Variants in AMBRA1 observed in about 807,000 individuals in gnomAD.
The protein encoded by AMBRA1 is autophagy and beclin 1 regulator 1, also known as activating molecule in BECN1-regulated autophagy protein 1.
Under a neutral mutation model 125.4 loss-of-function variants are expected in AMBRA1, and 47 were observed. The observed-to-expected ratio is 0.37, with a 90% CI of 0.30 to 0.48. AMBRA1 has a LOEUF of 0.48. AMBRA1 is among the 20% of genes least tolerant of loss of function. The probability of loss-of-function intolerance (pLI) is 0.99; values close to 1 mark genes in which losing one functional copy is unlikely to be tolerated. For synonymous variants in AMBRA1, 626 were observed against 655.5 expected (o/e 0.95, Z 0.69); for missense variants, 1,331 against 1,693.4 (o/e 0.79, Z 3.76).
chr11:46,399,090 T>C (rs1945590591), intron 17 of AMBRA1, among the ~76,000 whole-genome samples: 1 of 151,862 alleles, frequency 6.6e-6, no homozygotes, highest in South Asian at 2.1e-4. Flanking sequence ...ATTTATTTTT[T>C]TGAAATGGAG....
chr11:46,586,115 T>A (rs2044391246), intron 1 of AMBRA1, among the ~76,000 whole-genome samples: 1 of 152,220 alleles, frequency 6.6e-6, no homozygotes, highest in Admixed American at 6.5e-5. Flanking sequence ...AAAATAATAA[T>A]GATTTTTAAA....
chr11:46,547,688 C>G (rs1005149654), intron 3 of AMBRA1, 129 bp downstream of exon 3: 1 of 866,702 alleles, frequency 1.2e-6, no homozygotes, highest in Admixed American at 2.7e-5. Flanking sequence ...CTTTCCGACA[C>G]GGGGCCAAAG....
chr11:46,514,639 G>T (rs931872825), intron 7 of AMBRA1, among the ~76,000 whole-genome samples: 2 of 151,848 alleles, frequency 1.3e-5, no homozygotes, highest in African/African-American at 4.9e-5. Context: ...TTAATTGGCA[G>T]GATTTTTTTT....
At chr11:46,524,547 C>G (rs1951887942) in intron 7 of AMBRA1, among the ~76,000 whole-genome samples, 1 of 152,218 alleles carries the variant, frequency 6.6e-6, no homozygotes. Flanking sequence ...AGTTTAAATT[C>G]CATCTTGTGT....
At chr11:46,442,494 G>A (rs1948067943) in intron 12 of AMBRA1, among the ~76,000 whole-genome samples, 1 of 152,042 alleles carries the variant, frequency 6.6e-6, no homozygotes, top group Admixed American at 6.6e-5. Flanking sequence ...CACCTTGTCA[G>A]TGTGGTCTAT....
intron 11 of AMBRA1, among the ~76,000 whole-genome samples, chr11:46,480,623 CATTTT>C (rs1210511485): frequency 6.6e-6 from 1 of 152,126 alleles, no homozygotes; most frequent in Non-Finnish European, 1.5e-5. Flanking sequence ...CAAAATAATT[CATTTT>C]ATTTTTTCTT....
intron 11 of AMBRA1, among the ~76,000 whole-genome samples, chr11:46,471,131 A>C (rs1284010816): frequency 6.6e-6 from 1 of 152,214 alleles, no homozygotes; most frequent in Non-Finnish European, 1.5e-5. Context: ...TCTCCAGGTT[A>C]CCAAGAGTTT....
Position 46,496,812 on chromosome 11 carries a change from A to G in AMBRA1, c.2340-2608T>C, listed in dbSNP as rs185535652. Among the ~76,000 whole-genome samples the G allele has an allele frequency of 6.6e-4, 100 of 152,128 alleles. 2 individuals carry two copies. In the East Asian group the frequency reaches 0.017, roughly 25 times the overall value. Reference sequence around the variant, plus strand: ...TCAGTTTATCCCTTCATTTAAAAAAAAAAAAAAAAGGGAAGGGGGCTGGGT... The same window carrying G: ...TCAGTTTATCCCTTCATTTAAAAAAGAAAAAAAAAGGGAAGGGGGCTGGGT... On this transcript the variant is annotated intron_variant, in intron 9 of 17. Transcript: ENST00000683756.
At chr11:46,460,313 T>A (rs1334382694) in intron 11 of AMBRA1, among the ~76,000 whole-genome samples, 1 of 147,562 alleles carries the variant, frequency 6.8e-6, no homozygotes, top group East Asian at 1.9e-4. Context: ...CCCATTTATA[T>A]AAACACAACT....
chr11:46,484,123 T>C (rs1227760176), intron 11 of AMBRA1, among the ~76,000 whole-genome samples: 4 of 152,192 alleles, frequency 2.6e-5, no homozygotes, highest in South Asian at 2.1e-4. Flanking sequence ...CTTTGTGCCA[T>C]GCACAAGGGG....
At chr11:46,473,184 GTAGTGCCAAAGGCACTCATTAA>G (rs2136888828) in intron 11 of AMBRA1, among the ~76,000 whole-genome samples, 1 of 152,334 alleles carries the variant, frequency 6.6e-6, no homozygotes, top group Admixed American at 6.5e-5. Flanking sequence ...CAATTGACAA[GTAGTGCCAAAGGCACTCATTAA>G]AGACTACATC....
rs1427208249 is a variant in AMBRA1 at position 46,542,685 on chromosome 11, C to T, written c.1332G>A (p.Ser444=). ...GTCTCAGCACAGACAGCAAACTCAC[C>T]GAAGAGGCACTGGTTCTGGGCGGGG... ...SMPPPRTSAS[S]VSLLSVLRQQ... Residue 444 remains serine (S), a synonymous_variant, in exon 7 of 18, where the codon TCG becomes TCA. Coordinates refer to ENST00000683756, the MANE Select transcript of AMBRA1 (RefSeq NM_001387011.1). The surrounding 1 kb of genome is among the most constrained non-coding windows in gnomAD (Gnocchi z 5.9). 11 of 1,614,048 alleles carry T rather than the reference C, an allele frequency of 6.8e-6. No individual in the cohort carries two copies. The highest frequency in any genetic ancestry group is 1.3e-5 in the African/African-American group (1 of 74,904).
At chr11:46,528,725 A>G (rs1952086279) in intron 7 of AMBRA1, among the ~76,000 whole-genome samples, 1 of 152,144 alleles carries the variant, frequency 6.6e-6, no homozygotes, top group South Asian at 2.1e-4. Flanking sequence ...TGTACTGTAC[A>G]CTTTTAAAAT....
At chr11:46,496,011 G>A (rs1950617461) in intron 9 of AMBRA1, among the ~76,000 whole-genome samples, 1 of 152,108 alleles carries the variant, frequency 6.6e-6, no homozygotes, top group African/African-American at 2.4e-5. Context: ...CAGTTACCTG[G>A]GAGGACTGCT....
intron 17 of AMBRA1, among the ~76,000 whole-genome samples, chr11:46,403,062 T>G (rs944615831): frequency 2.7e-4 from 41 of 152,214 alleles, no homozygotes; most frequent in Non-Finnish European, 5.9e-5. Context: ...AGCAAAAGCA[T>G]CTGTTTTTGT....
At chr11:46,552,895 T>TC in intron 1 of AMBRA1, among the ~76,000 whole-genome samples, 1 of 152,198 alleles carries the variant, frequency 6.6e-6, no homozygotes, top group Admixed American at 6.5e-5. Context: ...TATTTTTTTT[T>TC]CACTTTTTAA....
chr11:46,503,403 T>C (rs1046267854), intron 9 of AMBRA1, among the ~76,000 whole-genome samples: 7 of 152,224 alleles, frequency 4.6e-5, no homozygotes, highest in Non-Finnish European at 1.0e-4. Context: ...TCTTATATGA[T>C]TGTGGTTCAC....
At chr11:46,441,382 C>T (rs1324910658) in intron 12 of AMBRA1, among the ~76,000 whole-genome samples, 3 of 151,886 alleles carry the variant, frequency 2.0e-5, no homozygotes, top group Non-Finnish European at 4.4e-5. Flanking sequence ...GGTGTGGTGG[C>T]GTGCACCTGT....
chr11:46,454,873 C>CT (rs1008795533), intron 11 of AMBRA1, among the ~76,000 whole-genome samples: 3,245 of 134,426 alleles, frequency 0.024, 53 homozygotes, highest in Middle Eastern at 0.054. Context: ...CTGGTATTAG[C>CT]TTTTTTTTTT....
Sources: allele counts gnomAD v4.1 joint callset (sites outside exome capture counted in the v4.1 genomes callset), GRCh38; gene constraint gnomAD v4.1.1; non-coding constraint Gnocchi (gnomAD v3.1); transcripts MANE v1.5; gene names NCBI Gene and HGNC (gene_info 2026-07-23, HGNC 2026-07-21).